The following TGM3 variants were observed in gnomAD, a reference collection of about 807,000 sequenced individuals.
TGM3 encodes protein-glutamine gamma-glutamyltransferase E.
In TGM3, 52 loss-of-function variants were observed where a neutral mutation model predicts 73.8. The ratio of observed to expected loss-of-function variants is 0.70; its 90% CI spans 0.56 to 0.89. The LOEUF (loss-of-function observed/expected upper bound fraction) is 0.89. Among genes scored for constraint, TGM3 ranks in the 40% least tolerant of loss-of-function variants. The pLI is 0.00. For synonymous variants in TGM3, 372 were observed against 354.9 expected (o/e 1.05, Z -0.54); for missense variants, 928 against 909.9 (o/e 1.02, Z -0.26).
chr20:2,300,116 TAAAG>T (rs1568620327), intron 1 of TGM3, among the ~76,000 whole-genome samples: 3 of 69,646 alleles, frequency 4.3e-5, no homozygotes, highest in Non-Finnish European at 1.3e-4. Context: ...AAAAAAAAAA[TAAAG>T]AAAGAAAGGA....
At chr20:2,325,762 G>A (rs2084283661) in intron 7 of TGM3, 87 bp from the exon 8 acceptor site, 2 of 924,646 alleles carry the variant, frequency 2.2e-6, no homozygotes, top group Non-Finnish European at 3.5e-6. Context: ...TTGTCATGCT[G>A]CACTGTTGGG....
rs1459515629 is a variant in TGM3 at position 2,305,561 on chromosome 20, C to T, written c.8-4096C>T. 2.0e-5 allele frequency among the ~76,000 whole-genome samples: 3 copies of T among 152,210 alleles called. No homozygotes were observed. The South Asian group carries it at 6.2e-4, about 31-fold the overall frequency. On this transcript the variant is annotated intron_variant, in intron 1 of 12. Transcript: ENST00000381458. The stretch of plus-strand genomic sequence containing the variant: ...CATACATAACATGTTCTGTGGACTG[C>T]GCATAGCAGTTGGCATAAAGAAGGC...
At chr20:2,310,873 G>A (rs974886721) in intron 3 of TGM3, 138 bp from the exon 4 acceptor site, 7 of 729,954 alleles carry the variant, frequency 9.6e-6, no homozygotes, top group Non-Finnish European at 1.7e-5. Context: ...AAGAGTTACA[G>A]CCCAAGGGTC....
chr20:2,334,801 A>T lies in TGM3; in HGVS notation c.1643-315A>T, dbSNP rs544096183. On this transcript the variant is annotated intron_variant, in intron 10 of 12. Transcript: ENST00000381458. The surrounding 1 kb of genome is among the most constrained non-coding windows in gnomAD (Gnocchi z 4.0). ...TCTACAAATAATTTAAAAAATTTTA[A>T]AAAAAAAGGACACTTGCCCTCCAAC... Among the ~76,000 whole-genome samples, 16 of 152,072 alleles carry T rather than the reference A, an allele frequency of 1.1e-4. No individual in the cohort carries two copies. The highest frequency in any genetic ancestry group is 2.9e-4 in the African/African-American group (12 of 41,458).
Position 2,340,521 on chromosome 20 carries a change from C to G in TGM3, c.2022C>G (p.Asp674Glu), listed in dbSNP as rs186345115. 49 of 1,614,232 alleles carry G rather than the reference C, an allele frequency of 3.0e-5. No homozygotes were observed. The East Asian group carries it at 1.1e-3, about 36-fold the overall frequency. ...GTGGCACCAAGCAACTGCTCGCCGA[C>G]TTCTCCTGCAACAAGTTCCCTGCAA... ...SRSGTKQLLA[D>E]FSCNKFPAIK... Residue 674 changes from aspartate (D) to glutamate (E), a missense_variant, in exon 13 of 13, where the codon GAC (aspartate) becomes GAG (glutamate). Transcript: ENST00000381458.
intron 3 of TGM3, 55 bp downstream of exon 3, chr20:2,310,472 G>A (rs1454411259): frequency 2.5e-6 from 4 of 1,591,392 alleles, no homozygotes; most frequent in Non-Finnish European, 3.4e-6. Context: ...AAAAGAAAAA[G>A]GGGATGGGGG....
At chr20:2,307,576 C>A (rs570067768) in intron 1 of TGM3, among the ~76,000 whole-genome samples, 1 of 152,064 alleles carries the variant, frequency 6.6e-6, no homozygotes, top group African/African-American at 2.4e-5. Flanking sequence ...TTTTTGCCTG[C>A]CTGCATCTCT....
At chr20:2,305,243 C>T (rs958980078) in intron 1 of TGM3, among the ~76,000 whole-genome samples, 3 of 63,118 alleles carry the variant, frequency 4.8e-5, no homozygotes, top group African/African-American at 6.8e-5. Context: ...CTGAAAGTCC[C>T]AAGTCTCTAG....
At chr20:2,339,240 G>T (rs2084367235) in intron 11 of TGM3, among the ~76,000 whole-genome samples, 1 of 152,216 alleles carries the variant, frequency 6.6e-6, no homozygotes, top group South Asian at 2.1e-4. Flanking sequence ...TGGGGCCTGG[G>T]GCTGCCCTTT....
intron 7 of TGM3, among the ~76,000 whole-genome samples, chr20:2,321,947 A>T (rs972480766): frequency 6.1e-5 from 9 of 147,814 alleles, no homozygotes; most frequent in African/African-American, 2.2e-4. Context: ...CTACTTATCA[A>T]TTTTTTTTTT....
intron 7 of TGM3, among the ~76,000 whole-genome samples, chr20:2,319,092 A>G (rs2084250297): frequency 6.6e-6 from 1 of 152,218 alleles, no homozygotes; most frequent in Admixed American, 6.5e-5. Context: ...TTTGTTTTCC[A>G]ACTTCTCATG....
At position 2,340,552 on chromosome 20, in the gene TGM3, G is replaced by A. The variant is rs1424871281; in HGVS notation, c.2053G>A (p.Ala685Thr). The A allele has an allele frequency of 1.1e-5, 18 of 1,614,014 alleles. No homozygotes were observed. Among genetic ancestry groups the A allele is most frequent in the Non-Finnish European group, 1.4e-5 (17 of 1,180,038 alleles). ...CTGCAACAAGTTCCCTGCAATCAAG[G>A]CCATGTTGTCCATCGATGTAGCCGA... ...FSCNKFPAIK[A>T]MLSIDVAE Residue 685 changes from alanine (A) to threonine (T), a missense_variant, in exon 13 of 13, where the codon GCC becomes ACC. By Grantham distance (58) the Ala-to-Thr change is moderately conservative. Transcript: ENST00000381458.
At chr20:2,337,480 A>G (rs577186581) in intron 11 of TGM3, among the ~76,000 whole-genome samples, 2 of 152,248 alleles carry the variant, frequency 1.3e-5, no homozygotes, top group African/African-American at 4.8e-5. Context: ...GCACTTTGGG[A>G]AGCCGAGGCA....
chr20:2,325,422 C>A (rs1252329955), intron 7 of TGM3, among the ~76,000 whole-genome samples: 4 of 152,172 alleles, frequency 2.6e-5, no homozygotes, highest in Non-Finnish European at 5.9e-5. Flanking sequence ...TCATTTTCGG[C>A]CAACACCAAG....
intron 5 of TGM3, among the ~76,000 whole-genome samples, chr20:2,313,651 A>ACT (rs111654089): frequency 0.55 from 82,977 of 150,126 alleles, 27,612 homozygotes; most frequent in East Asian, 0.87. Flanking sequence ...AATCACACAC[A>ACT]CTCTCTCTCT....
intron 7 of TGM3, among the ~76,000 whole-genome samples, chr20:2,323,742 C>G (rs2084273238): frequency 6.6e-6 from 1 of 152,244 alleles, no homozygotes; most frequent in African/African-American, 2.4e-5. Flanking sequence ...ATGCTTTAAT[C>G]TCTGTCAGTC....
chr20:2,323,457 T>C (rs1221883209), intron 7 of TGM3, among the ~76,000 whole-genome samples: 8 of 152,268 alleles, frequency 5.3e-5, no homozygotes, highest in Admixed American at 4.6e-4. Context: ...AATTCCCTTA[T>C]TGATGAACTT....
chr20:2,332,181 C>A lies in TGM3; in HGVS notation c.1513C>A (p.Leu505Ile), dbSNP rs367595459. The A allele has an allele frequency of 2.2e-5, 35 of 1,613,998 alleles. No homozygotes were observed. Among genetic ancestry groups the A allele is most frequent in the Non-Finnish European group, 3.0e-5 (35 of 1,179,998 alleles). Residue 505 changes from leucine (L) to isoleucine (I), a missense_variant, in exon 10 of 13, where the codon CTC becomes ATC. By Grantham distance (5) the Leu-to-Ile change is conservative. Transcript: ENST00000381458. The surrounding 1 kb of genome is among the most constrained non-coding windows in gnomAD (Gnocchi z 4.4). ...VGKEVNLVLL[L>I]KNLSRDTKTV... is the part of the protein sequence containing the mutation. ...CAAAGAAGTCAACCTGGTCCTACTG[C>A]TCAAAAACCTGAGCAGGGATACGAA...
intron 1 of TGM3, among the ~76,000 whole-genome samples, chr20:2,303,460 G>A (rs574485266): frequency 6.6e-6 from 1 of 152,066 alleles, no homozygotes; most frequent in Admixed American, 6.6e-5. Context: ...AAAAAGCTCT[G>A]CCACTAGATA....
Sources: allele counts gnomAD v4.1 joint callset (sites outside exome capture counted in the v4.1 genomes callset), GRCh38; gene constraint gnomAD v4.1.1; non-coding constraint Gnocchi (gnomAD v3.1); transcripts MANE v1.5; gene names NCBI Gene and HGNC (gene_info 2026-07-23, HGNC 2026-07-21).